Variants in CCDC66 observed in about 807,000 individuals in gnomAD.
CCDC66 encodes coiled-coil domain-containing protein 66.
Under a neutral mutation model 128.3 loss-of-function variants are expected in CCDC66, and 133 were observed. That is an observed-to-expected ratio of 1.04 (90% CI 0.90 to 1.20). The LOEUF is 1.20. CCDC66 is among the 50% of genes most tolerant of loss of function. The probability of loss-of-function intolerance (pLI) is 0.00; values close to 1 mark genes in which losing one functional copy is unlikely to be tolerated. For synonymous variants in CCDC66, 387 were observed against 357.0 expected, an observed-to-expected ratio of 1.08 and a Z score of -0.95; for missense variants, 1,126 against 1,075.5, an observed-to-expected ratio of 1.05 and a Z score of -0.66.
At chr3:56,609,734 A>T (rs2074541642) in intron 10 of CCDC66, among the ~76,000 whole-genome samples, 1 of 152,206 alleles carries the variant, frequency 6.6e-6, no homozygotes. Context: ...ATGTGTTTCC[A>T]GGATTTGTTT....
chr3:56,563,338 G>A (rs1214237567), intron 3 of CCDC66, among the ~76,000 whole-genome samples: 2 of 151,320 alleles, frequency 1.3e-5, no homozygotes, highest in African/African-American at 4.9e-5. Flanking sequence ...TCCAGCCTGG[G>A]CAACAGAGTG....
intron 10 of CCDC66, among the ~76,000 whole-genome samples, chr3:56,612,269 C>CT (rs1011140843): frequency 5.9e-5 from 9 of 151,984 alleles, no homozygotes; most frequent in Admixed American, 2.0e-4. Flanking sequence ...TCTCTATAGA[C>CT]TTTTTTTTGG....
chr3:56,594,542 C>T (rs532078631), intron 10 of CCDC66, among the ~76,000 whole-genome samples: 2 of 151,880 alleles, frequency 1.3e-5, no homozygotes, highest in African/African-American at 2.4e-5. Flanking sequence ...ATTAGCTGGG[C>T]GTGGTGGCAG....
At chr3:56,573,628 A>G (rs987259700) in intron 7 of CCDC66, among the ~76,000 whole-genome samples, 9 of 152,192 alleles carry the variant, frequency 5.9e-5, no homozygotes, top group Admixed American at 5.2e-4. Context: ...TCAAAAAGTA[A>G]AGCAGAGGAC....
chr3:56,619,505 C>T lies in CCDC66; in HGVS notation c.2613C>T (p.Asp871=), dbSNP rs2076049529. Residue 871 remains aspartate (D), a synonymous_variant, in exon 16 of 18, where the codon GAC becomes GAT. Transcript: ENST00000394672. The part of the protein sequence containing the change: ...DAPLSGPSTQ[D]PQYQNSQDCG... ...CATTGTCTGGGCCTTCAACCCAGGA[C>T]CCTCAGTACCAAAATTCACAAGGTA... The T allele has an allele frequency of 1.9e-6, 3 of 1,609,604 alleles. No individual in the cohort carries two copies. Among genetic ancestry groups the T allele is most frequent in the African/African-American group, 2.7e-5 (2 of 74,642 alleles).
chr3:56,579,547 AGT>A (rs1420529606), intron 7 of CCDC66, among the ~76,000 whole-genome samples: 1 of 151,812 alleles, frequency 6.6e-6, no homozygotes, highest in Non-Finnish European at 1.5e-5. Context: ...GTGGACATTA[AGT>A]GCTATAAATT....
At chr3:56,615,107 G>GT in intron 11 of CCDC66, 21 bp from the exon 12 acceptor site, 1 of 1,608,232 alleles carries the variant, frequency 6.2e-7, no homozygotes, top group South Asian at 1.1e-5. Context: ...GATGAATTTA[G>GT]TAACACATCA....
chr3:56,572,642 G>A lies in CCDC66; in HGVS notation c.936+1340G>A, dbSNP rs1012871259. 2.1e-5 allele frequency: 4 copies of A among 194,194 alleles called. No individual in the cohort carries two copies. In the Admixed American group the frequency reaches 2.4e-4, roughly 11 times the overall value. 12.0% of individuals were successfully genotyped at this position (194,194 alleles called of 1,614,324 possible). A position where few individuals can be genotyped will look rare whatever the true frequency, so the allele number is the denominator to read the frequency against. On this transcript the variant is annotated intron_variant, in intron 7 of 17. Coordinates refer to ENST00000394672, the MANE Select transcript of CCDC66 (RefSeq NM_001141947.3). ...CTGAAAATAATGTAGTAACCTGAAGGGATGATTCTCCTAAAGAGATGATTC... is the reference window on the plus strand; with the variant it reads ...CTGAAAATAATGTAGTAACCTGAAGAGATGATTCTCCTAAAGAGATGATTC...
At chr3:56,585,247 G>T (rs2069465050) in intron 7 of CCDC66, among the ~76,000 whole-genome samples, 1 of 151,734 alleles carries the variant, frequency 6.6e-6, no homozygotes, top group South Asian at 2.1e-4. Flanking sequence ...CTTTGTACAG[G>T]AATAGGCCCA....
chr3:56,570,283 T>TGGG (rs1033930902), intron 6 of CCDC66: 1 of 152,230 alleles, frequency 6.6e-6, no homozygotes, highest in African/African-American at 2.4e-5. Context: ...TACTGTTGAT[T>TGGG]GGGGGGTTAG....
At position 56,593,038 on chromosome 3, in the gene CCDC66, G is replaced by T. The variant is rs2071211119; in HGVS notation, c.1005G>T (p.Glu335Asp). The T allele has an allele frequency of 1.2e-6, 2 of 1,609,878 alleles. No individual in the cohort carries two copies. Among genetic ancestry groups the T allele is most frequent in the South Asian group, 2.2e-5 (2 of 90,614 alleles). Residue 335 changes from glutamate (E) to aspartate (D), a missense_variant, in exon 8 of 18, where the codon GAG becomes GAT. By Grantham distance (45) the Glu-to-Asp change is conservative. Coordinates refer to ENST00000394672, the MANE Select transcript of CCDC66 (RefSeq NM_001141947.3). ...AACTGCAAAGAAAATGGATTGAAGA[G>T]TTGAATAAGCAAATAGAAGATGACC... ...KQELQRKWIE[E>D]LNKQIEDDRQ...
chr3:56,560,671 G>T (rs1403316681), intron 3 of CCDC66, among the ~76,000 whole-genome samples: 2 of 152,200 alleles, frequency 1.3e-5, no homozygotes, highest in Admixed American at 6.5e-5. Context: ...AGTGAGCCGA[G>T]ATCGCACCAC....
intron 10 of CCDC66, among the ~76,000 whole-genome samples, chr3:56,601,194 T>TA (rs1276567952): frequency 6.6e-5 from 10 of 152,246 alleles, no homozygotes; most frequent in African/African-American, 2.4e-4. Context: ...TGCATATGGC[T>TA]AGCCAGTTTT....
chr3:56,598,694 C>A (rs1445114673), intron 10 of CCDC66, among the ~76,000 whole-genome samples: 1 of 151,912 alleles, frequency 6.6e-6, no homozygotes, highest in Non-Finnish European at 1.5e-5. Flanking sequence ...GTCTTTCATT[C>A]TGTTGATGTG....
rs1192957111 is a variant in CCDC66, at chr3:56,593,999, AGAC to A, written c.1382_1384del (p.Arg461del). The A allele has an allele frequency of 3.7e-6, 6 of 1,614,176 alleles. No homozygotes were observed. Among genetic ancestry groups the A allele is most frequent in the Admixed American group, 3.3e-5 (2 of 60,028 alleles). ...CCCAGCTCAGATTGAGGAACGAGAC[AGAC>A]GACGACAAAAACAATTAGAGCATCA... On this transcript the variant is annotated inframe_deletion, in exon 10 of 18. Coordinates refer to ENST00000394672, the MANE Select transcript of CCDC66 (RefSeq NM_001141947.3).
At position 56,579,246 on chromosome 3, in the gene CCDC66, T is replaced by TG. The variant is rs538192028; in HGVS notation, c.936+7946dup. The stretch of plus-strand genomic sequence containing the variant: ...TTAGTTTGTATTTCTGTGGGATTAG[T>TG]GGTGATATCCCCTTTATCATTTTTT... On this transcript the variant is annotated intron_variant, in intron 7 of 17. Coordinates refer to ENST00000394672, the MANE Select transcript of CCDC66 (RefSeq NM_001141947.3). Among the ~76,000 whole-genome samples, 82 of 152,022 alleles carry TG rather than the reference T, an allele frequency of 5.4e-4. No individual in the cohort carries two copies. In the South Asian group the frequency reaches 7.3e-3, roughly 13 times the overall value.
intron 10 of CCDC66, among the ~76,000 whole-genome samples, chr3:56,600,998 C>T (rs1435652860): frequency 2.0e-5 from 3 of 152,036 alleles, no homozygotes; most frequent in Admixed American, 6.5e-5. Flanking sequence ...TCCCATTTGT[C>T]AATTTCAGCT....
At position 56,617,619 on chromosome 3, in the gene CCDC66, A is replaced by G. The variant is rs539330197; in HGVS notation, c.2337+14A>G. ...CTAGTCAAAAAGGTAAAGCTCTTCC[A>G]TCTTAGATGATGTGTTGACGTTTCT... is the stretch of plus-strand genomic sequence containing the variant. On this transcript the variant is annotated intron_variant, in intron 14 of 17. Transcript: ENST00000394672. The G allele has an allele frequency of 3.8e-6, 6 of 1,577,770 alleles. No individual in the cohort carries two copies. In the African/African-American group the frequency reaches 8.2e-5, roughly 22 times the overall value.
At chr3:56,621,000 A>AAGTT (rs112632967) in intron 17 of CCDC66, 44,372 of 150,422 alleles carry the variant, frequency 0.29, 7,920 homozygotes, top group Non-Finnish European at 0.4. Flanking sequence ...AAAATACAAA[A>AAGTT]AGTTAGTTAG....
Sources: gnomAD v4.1 joint callset for allele counts (sites outside exome capture counted in the v4.1 genomes callset) on GRCh38, gnomAD v4.1.1 for gene constraint, MANE v1.5 for transcripts, NCBI Gene and HGNC (gene_info 2026-07-23, HGNC 2026-07-21) for gene names.